Variants in COL12A1 observed in about 807,000 individuals in gnomAD.
The protein encoded by COL12A1 is collagen alpha-1(XII) chain.
COL12A1 carries 114 observed loss-of-function variants against 349.7 expected under a neutral mutation model. That is an observed-to-expected ratio of 0.33 (90% CI 0.28 to 0.38). The LOEUF is 0.38. Among genes scored for constraint, COL12A1 ranks in the 10% least tolerant of loss-of-function variants. The pLI is 1.00. For synonymous variants in COL12A1, 1,369 were observed against 1,329.0 expected (o/e 1.03, Z -0.66); for missense variants, 3,284 against 3,756.9 (o/e 0.87, Z 3.29).
At chr6:75,197,060 C>A (rs1312636496) in intron 2 of COL12A1, among the ~76,000 whole-genome samples, 2 of 152,244 alleles carry the variant, frequency 1.3e-5, no homozygotes, top group South Asian at 2.1e-4. Context: ...TTTCTTCTGG[C>A]CGATTTTATT....
At chr6:75,131,435 C>G (rs1172520112) in intron 35 of COL12A1, among the ~76,000 whole-genome samples, 2 of 152,162 alleles carry the variant, frequency 1.3e-5, no homozygotes, top group Non-Finnish European at 2.9e-5. Flanking sequence ...TTGCCAAATG[C>G]ATATATTGTT....
intron 27 of COL12A1, among the ~76,000 whole-genome samples, chr6:75,139,534 AT>A (rs1766790568): frequency 6.6e-6 from 1 of 152,228 alleles, no homozygotes; most frequent in Non-Finnish European, 1.5e-5. Flanking sequence ...CAGTTTAAAA[AT>A]GAGAATGTCT....
At chr6:75,088,938 T>C (rs1370357051) in intron 64 of COL12A1, among the ~76,000 whole-genome samples, 168 bp downstream of exon 64, 2 of 151,614 alleles carry the variant, frequency 1.3e-5, no homozygotes, top group Non-Finnish European at 2.9e-5. Context: ...GAGGTGGAGC[T>C]TGCAGTGAGC....
At chr6:75,124,232 T>C in intron 41 of COL12A1, 23 bp downstream of exon 41, 1 of 1,604,978 alleles carries the variant, frequency 6.2e-7, no homozygotes, top group Non-Finnish European at 8.5e-7. Flanking sequence ...TCCAGATCAT[T>C]TTTTTCTTTT....
intron 59 of COL12A1, among the ~76,000 whole-genome samples, chr6:75,096,949 G>A (rs1200756497): frequency 6.7e-6 from 1 of 149,106 alleles, no homozygotes; most frequent in Non-Finnish European, 1.5e-5. Context: ...CCGAACCACC[G>A]AGGTTATAAA....
chr6:75,155,871 A>T lies in COL12A1; in HGVS notation c.3251-17T>A, dbSNP rs181969230. On this transcript the variant is annotated splice_polypyrimidine_tract_variant and intron_variant, in intron 15 of 65. Coordinates refer to ENST00000322507, the MANE Select transcript of COL12A1 (RefSeq NM_004370.6). Reference sequence around the variant, plus strand: ...ACCGAGAAGCTGTAAAGACAAAAAGATTTTTAAAATATTATCTGTAAGACT... The same window carrying T: ...ACCGAGAAGCTGTAAAGACAAAAAGTTTTTTAAAATATTATCTGTAAGACT... 3 of 1,575,308 alleles carry T rather than the reference A, an allele frequency of 1.9e-6. No homozygotes were observed. The Admixed American group carries it at 6.2e-5, about 33-fold the overall frequency.
chr6:75,151,070 ACC>A, intron 21 of COL12A1, 69 bp downstream of exon 21: 1 of 136,614 alleles, frequency 7.3e-6, no homozygotes, highest in Non-Finnish European at 1.6e-5. Context: ...CCTCCCCCCC[ACC>A]CAAAAGAATA....
At chr6:75,157,264 C>T (rs1435956280) in intron 14 of COL12A1, among the ~76,000 whole-genome samples, 1 of 151,976 alleles carries the variant, frequency 6.6e-6, no homozygotes, top group East Asian at 1.9e-4. Flanking sequence ...AATTAGAGTT[C>T]ATAAGCAGGA....
rs1284872606 is a variant in COL12A1 at position 75,086,017 on chromosome 6, A to T, written c.*530T>A. 5 of 152,882 alleles carry T rather than the reference A, an allele frequency of 3.3e-5. No individual in the cohort carries two copies. Among genetic ancestry groups the T allele is most frequent in the African/African-American group, 1.2e-4 (5 of 41,462 alleles). The allele number at this position is 152,882 out of a possible 1,614,324, so 9.5% of individuals were successfully genotyped here. On this transcript the variant is annotated 3_prime_UTR_variant, in exon 66 of 66. Transcript: ENST00000322507. ...CCCTGAATCAGACACATCGCTAACAAGCAAGAGATGAGGAGATTCCATTTG... is the reference window on the plus strand; with the variant it reads ...CCCTGAATCAGACACATCGCTAACATGCAAGAGATGAGGAGATTCCATTTG...
At chr6:75,162,023 C>T (rs1342041128) in intron 14 of COL12A1, among the ~76,000 whole-genome samples, 1 of 152,196 alleles carries the variant, frequency 6.6e-6, no homozygotes, top group Admixed American at 6.5e-5. Context: ...AATGGAAAAA[C>T]ATTCCATGCT....
chr6:75,125,310 C>T (rs746807003), intron 39 of COL12A1, 37 bp from the exon 40 acceptor site: 1 of 1,529,238 alleles, frequency 6.5e-7, no homozygotes, highest in Admixed American at 2.1e-5. Context: ...AGAAACATGC[C>T]ATCAATAGCA....
At chr6:75,091,664 T>A (rs1767773430) in intron 60 of COL12A1, 139 bp from the exon 61 acceptor site, 1 of 776,638 alleles carries the variant, frequency 1.3e-6, no homozygotes, top group Non-Finnish European at 2.1e-6. Flanking sequence ...ATATCCATGT[T>A]ACTCACATTC....
intron 11 of COL12A1, among the ~76,000 whole-genome samples, chr6:75,178,493 A>G (rs894422419): frequency 6.6e-6 from 1 of 152,160 alleles, no homozygotes; most frequent in Non-Finnish European, 1.5e-5. Flanking sequence ...GTACTTAATG[A>G]ATGCTCATTA....
chr6:75,109,600 C>A lies in COL12A1; in HGVS notation c.7951-433G>T, dbSNP rs116166020. 2.8e-3 allele frequency among the ~76,000 whole-genome samples: 431 copies of A among 152,152 alleles called. 2 individuals are homozygous for A. Among genetic ancestry groups the A allele is most frequent in the African/African-American group, 9.9e-3 (413 of 41,542 alleles). ...TAAATTCAACTTTCAGTTTGTTGTTCCCCAATCTCAGGCAGAAATAATCTG... is the reference window on the plus strand; with the variant it reads ...TAAATTCAACTTTCAGTTTGTTGTTACCCAATCTCAGGCAGAAATAATCTG... On this transcript the variant is annotated intron_variant, in intron 51 of 65. Coordinates refer to ENST00000322507, the MANE Select transcript of COL12A1 (RefSeq NM_004370.6).
At chr6:75,095,623 CAAAAAAAAA>C (rs58205028) in intron 59 of COL12A1, among the ~76,000 whole-genome samples, 3 of 102,052 alleles carry the variant, frequency 2.9e-5, no homozygotes, top group East Asian at 2.8e-4. Context: ...GACTCCGTCT[CAAAAAAAAA>C]AAAAAAAAAA....
Position 75,189,294 on chromosome 6 carries a change from G to C in COL12A1, c.746C>G (p.Thr249Arg). ...CACTTCATCCTGGGATTTTCCATCC[G>C]TAATAATAATTGCCACTTTAGGAAA... ...VGFPKVAIII[T>R]DGKSQDEVEI... The change falls in exon 7 of 66, where the codon ACG (threonine) becomes AGG (arginine). Residue 249 changes from threonine to arginine, a missense_variant. Thr to Arg is a moderately conservative substitution (Grantham distance 71). This residue lies in a region of COL12A1 where 2,601 missense variants were observed against 2,824.8 expected (regional missense o/e 0.92). Coordinates refer to ENST00000322507, the MANE Select transcript of COL12A1 (RefSeq NM_004370.6). The C allele has an allele frequency of 6.2e-7, 1 of 1,613,048 alleles. No homozygotes were observed. Among genetic ancestry groups the C allele is most frequent in the Non-Finnish European group, 8.5e-7 (1 of 1,179,418 alleles).
Position 75,156,270 on chromosome 6 carries a change from T to A in COL12A1, c.3237A>T (p.Gly1079=). The change falls in exon 15 of 66, where the codon GGA becomes GGT. Residue 1079 remains glycine (G), a synonymous_variant. Coordinates refer to ENST00000322507, the MANE Select transcript of COL12A1 (RefSeq NM_004370.6). Reference sequence around the variant, plus strand: ...ATTATTTCATACCTGTTGTTCCTGATCCTTGCCTAAGCTTTCCTTCTCCCA... The same window carrying A: ...ATTATTTCATACCTGTTGTTCCTGAACCTTGCCTAAGCTTTCCTTCTCCCA... ...YKMGEGKLRQ[G]SGTTASRFKS... 6.2e-7 allele frequency: 1 copy of A among 1,613,864 alleles called. No individual in the cohort carries two copies. The highest frequency in any genetic ancestry group is 8.5e-7 in the Non-Finnish European group (1 of 1,179,798).
chr6:75,091,633 G>T, intron 60 of COL12A1, 108 bp from the exon 61 acceptor site: 1 of 1,033,312 alleles, frequency 9.7e-7, no homozygotes, highest in Non-Finnish European at 1.5e-6. Flanking sequence ...TAAAGCATTA[G>T]CAAAATGACA....
chr6:75,087,602 G>A lies in COL12A1; in HGVS notation c.9156C>T (p.Ile3052=). 6.2e-7 allele frequency: 1 copy of A among 1,613,920 alleles called. No homozygotes were observed. Residue 3052 remains isoleucine (I), a synonymous_variant, in exon 65 of 66, where the codon ATC becomes ATT. Coordinates refer to ENST00000322507, the MANE Select transcript of COL12A1 (RefSeq NM_004370.6). ...GYCDSSQCAS[I]PYNGQGYPGS... is the part of the protein sequence containing the mutation. ...CTGGATAGCCTTGCCCGTTGTATGGGATGCTGGCACACTGAGAAGAATCAC... is the reference window on the plus strand; with the variant it reads ...CTGGATAGCCTTGCCCGTTGTATGGAATGCTGGCACACTGAGAAGAATCAC...
Sources: allele counts gnomAD v4.1 joint callset (sites outside exome capture counted in the v4.1 genomes callset), GRCh38; gene constraint gnomAD v4.1.1; regional missense constraint gnomAD v4.1.1; transcripts MANE v1.5; gene names NCBI Gene and HGNC (gene_info 2026-07-23, HGNC 2026-07-21).